The following LY86 variants were observed in gnomAD, a reference collection of about 807,000 sequenced individuals.
LY86 encodes lymphocyte antigen 86.
A neutral mutation model predicts 17.3 loss-of-function variants in LY86; 20 were observed. The observed-to-expected ratio is 1.15, with a 90% CI of 0.81 to 1.68. The LOEUF (loss-of-function observed/expected upper bound fraction) is 1.68, where lower values mean the gene tolerates loss of function less well. Ranked by LOEUF, LY86 falls within the 40% of genes most tolerant of loss-of-function variation. LY86 has a pLI of 0.00. For synonymous variants in LY86, 74 were observed against 70.6 expected, an observed-to-expected ratio of 1.05 and a Z score of -0.24; for missense variants, 200 against 191.9, an observed-to-expected ratio of 1.04 and a Z score of -0.25.
intron 2 of LY86, 54 bp downstream of exon 2, chr6:6,625,066 C>A: frequency 1.3e-6 from 1 of 761,926 alleles, no homozygotes; most frequent in Non-Finnish European, 2.2e-6. Context: ...CCTCTTCCAA[C>A]TCCACACACC....
At chr6:6,650,711 G>A (rs772087241) in intron 4 of LY86, among the ~76,000 whole-genome samples, 5 of 152,170 alleles carry the variant, frequency 3.3e-5, no homozygotes, top group Non-Finnish European at 7.3e-5. Context: ...ATTTGGTTAT[G>A]TGTATGTAAT....
chr6:6,590,139 A>AAAAAC (rs1760480964), intron 1 of LY86, among the ~76,000 whole-genome samples: 1 of 150,838 alleles, frequency 6.6e-6, no homozygotes, highest in Non-Finnish European at 1.5e-5. Context: ...AAAAAAAAAA[A>AAAAAC]AAAGACCCTA....
At chr6:6,609,910 A>AG (rs1561781974) in intron 1 of LY86, among the ~76,000 whole-genome samples, 1 of 151,946 alleles carries the variant, frequency 6.6e-6, no homozygotes, top group Non-Finnish European at 1.5e-5. Context: ...GATTGGCTAC[A>AG]GGGCCCTGAA....
intron 1 of LY86, among the ~76,000 whole-genome samples, chr6:6,592,394 T>C (rs1334944396): frequency 6.6e-6 from 1 of 152,162 alleles, no homozygotes; most frequent in Admixed American, 6.5e-5. Flanking sequence ...CTCCACTCCA[T>C]GCACAAACCA....
At chr6:6,650,568 C>T (rs771232365) in intron 4 of LY86, among the ~76,000 whole-genome samples, 1 of 152,050 alleles carries the variant, frequency 6.6e-6, no homozygotes, top group Admixed American at 6.5e-5. Flanking sequence ...CTCCTGACCT[C>T]GTGATCCACC....
intron 3 of LY86, among the ~76,000 whole-genome samples, chr6:6,635,393 T>C (rs1237774590): frequency 6.6e-6 from 1 of 152,180 alleles, no homozygotes; most frequent in Non-Finnish European, 1.5e-5. Context: ...AATAAAAATA[T>C]GTGAGTATGG....
intron 1 of LY86, among the ~76,000 whole-genome samples, chr6:6,624,305 T>C (rs2113139005): frequency 6.7e-6 from 1 of 148,250 alleles, no homozygotes; most frequent in African/African-American, 2.5e-5. Flanking sequence ...ATTATCTTTA[T>C]AGCCCCTATC....
intron 1 of LY86, among the ~76,000 whole-genome samples, chr6:6,619,259 T>A (rs778804546): frequency 3.9e-5 from 6 of 152,132 alleles, no homozygotes; most frequent in Non-Finnish European, 2.9e-5. Flanking sequence ...AAAAGCAAGG[T>A]CTGTTTGTTA....
intron 1 of LY86, among the ~76,000 whole-genome samples, chr6:6,617,978 C>T (rs1352621620): frequency 6.6e-6 from 1 of 152,130 alleles, no homozygotes; most frequent in Non-Finnish European, 1.5e-5. Flanking sequence ...ATAGCTGGGA[C>T]TACAGGCACA....
chr6:6,601,542 G>A (rs1434629070), intron 1 of LY86, among the ~76,000 whole-genome samples: 1 of 152,132 alleles, frequency 6.6e-6, no homozygotes, highest in African/African-American at 2.4e-5. Context: ...CTAACACAGT[G>A]AAACCCTGTC....
At position 6,596,480 on chromosome 6, in the gene LY86, CTCTT is replaced by C. The variant is rs1195876154; in HGVS notation, c.136+7611_136+7614del. Among the ~76,000 whole-genome samples, 10 of 152,298 alleles carry C rather than the reference CTCTT, an allele frequency of 6.6e-5. No homozygotes were observed. The East Asian group carries it at 1.9e-3, about 29-fold the overall frequency. ...ATATTGCATACAGACAGCAATTTCT[CTCTT>C]CATTTATTTTCCCAGATTAACAAGG... is the stretch of plus-strand genomic sequence containing the variant. On this transcript the variant is annotated intron_variant, in intron 1 of 4. Transcript: ENST00000230568.
chr6:6,605,595 C>T (rs1761092534), intron 1 of LY86, among the ~76,000 whole-genome samples: 2 of 152,274 alleles, frequency 1.3e-5, no homozygotes, highest in African/African-American at 4.8e-5. Flanking sequence ...CTGTCATAGT[C>T]TCATGACATT....
In LY86 at chr6:6,600,259, G is replaced by GTAAC. The variant is rs571892463; in HGVS notation, c.136+11392_136+11393insCTAA. ...TCATTAAGGAGTCCAACAGCCTTTA[G>GTAAC]TAAACACATAACCATGACAGGGGAT... On this transcript the variant is annotated intron_variant, in intron 1 of 4. Coordinates refer to ENST00000230568, the MANE Select transcript of LY86 (RefSeq NM_004271.4). 2.0e-5 allele frequency among the ~76,000 whole-genome samples: 3 copies of GTAAC among 152,168 alleles called. No homozygotes were observed. The South Asian group carries it at 6.2e-4, about 31-fold the overall frequency.
intron 1 of LY86, among the ~76,000 whole-genome samples, chr6:6,603,930 C>A (rs1477780999): frequency 6.6e-6 from 1 of 151,988 alleles, no homozygotes; most frequent in Admixed American, 6.5e-5. Context: ...ACAAAAAAAA[C>A]TTATCTAACT....
intron 1 of LY86, among the ~76,000 whole-genome samples, chr6:6,611,285 A>G (rs565191898): frequency 5.1e-4 from 77 of 152,328 alleles, no homozygotes; most frequent in Non-Finnish European, 7.3e-4. Context: ...GAGTTGGTAG[A>G]AAAGAGCCTA....
chr6:6,625,292 A>AG (rs1430598505), intron 2 of LY86, among the ~76,000 whole-genome samples: 1 of 152,234 alleles, frequency 6.6e-6, no homozygotes, highest in African/African-American at 2.4e-5. Context: ...CAGCAAAAAA[A>AG]AAGGAAAATA....
intron 1 of LY86, chr6:6,591,486 G>C (rs1760529451): frequency 6.5e-6 from 1 of 153,806 alleles, no homozygotes; most frequent in South Asian, 2.1e-4. Flanking sequence ...GGATCTGTTG[G>C]AAAAGGAGTC....
chr6:6,605,281 G>GT (rs200212593), intron 1 of LY86, among the ~76,000 whole-genome samples: 8 of 74,470 alleles, frequency 1.1e-4, no homozygotes, highest in Non-Finnish European at 2.4e-4. Context: ...TCACCTCACA[G>GT]TTTTTTTCCT....
chr6:6,633,987 CT>C (rs1449513036), intron 3 of LY86, among the ~76,000 whole-genome samples: 2 of 152,118 alleles, frequency 1.3e-5, no homozygotes, highest in Non-Finnish European at 2.9e-5. Context: ...ACCTTGAAAG[CT>C]GCGATTGATG....
Sources: allele counts gnomAD v4.1 joint callset (sites outside exome capture counted in the v4.1 genomes callset), GRCh38; gene constraint gnomAD v4.1.1; transcripts MANE v1.5; gene names NCBI Gene and HGNC (gene_info 2026-07-23, HGNC 2026-07-21).